Variants in ASIC2 observed in about 807,000 individuals in gnomAD.
The protein encoded by ASIC2 is acid-sensing ion channel 2.
ASIC2 carries 25 observed loss-of-function variants against 57.3 expected under a neutral mutation model. The ratio of observed to expected loss-of-function variants is 0.44; its 90% confidence interval spans 0.32 to 0.61. The LOEUF (loss-of-function observed/expected upper bound fraction) is 0.61. Among genes scored for constraint, ASIC2 ranks in the 20% least tolerant of loss-of-function variants. The pLI, the probability that ASIC2 is intolerant of heterozygous loss-of-function variation, is 0.06. For synonymous variants in ASIC2, 319 were observed against 307.5 expected (o/e 1.04, Z -0.39); for missense variants, 641 against 738.1 (o/e 0.87, Z 1.52).
At chr17:34,131,584 C>A (rs772543232) in intron 1 of ASIC2, among the ~76,000 whole-genome samples, 5 of 152,250 alleles carry the variant, frequency 3.3e-5, no homozygotes, top group Non-Finnish European at 7.3e-5. Flanking sequence ...GGCACGCAAC[C>A]ATTCCTGGGG....
At chr17:34,143,792 G>A (rs1365352523) in intron 1 of ASIC2, among the ~76,000 whole-genome samples, 2 of 152,156 alleles carry the variant, frequency 1.3e-5, no homozygotes, top group Non-Finnish European at 2.9e-5. Flanking sequence ...ATGTCTCTGG[G>A]ATCTGGGCAT....
At chr17:33,295,428 C>CCAA (rs1231330955), upstream of ASIC2, among the ~76,000 whole-genome samples, 11 of 152,210 alleles carry the variant, frequency 7.2e-5, no homozygotes, top group African/African-American at 2.4e-4. Flanking sequence ...TCTTCTCTGA[C>CCAA]CAGTTCTTTG....
At chr17:33,053,566 T>TG (rs1424853103) in intron 3 of ASIC2, among the ~76,000 whole-genome samples, 1 of 152,212 alleles carries the variant, frequency 6.6e-6, no homozygotes, top group Non-Finnish European at 1.5e-5. Context: ...CCAGGACTGT[T>TG]GCAAGAGCTT....
rs189609624 is a variant in ASIC2 at position 33,807,757 on chromosome 17, C to T, written c.555+348221G>A. Among the ~76,000 whole-genome samples the T allele has an allele frequency of 4.7e-3, 713 of 152,338 alleles. 4 individuals carry two copies. The highest frequency in any genetic ancestry group is 8.0e-3 in the Non-Finnish European group (543 of 68,034). ...GTAACTCCCTCACTCAAACTCCTTC[C>T]ATGGGTGGAATTAATTTGCATTTGT... On this transcript the variant is annotated intron_variant, in intron 1 of 9. Transcript: ENST00000359872.
chr17:34,005,940 T>G (rs1157474975), intron 1 of ASIC2: 1 of 152,228 alleles, frequency 6.6e-6, no homozygotes, highest in Non-Finnish European at 1.5e-5. Context: ...CAAACATGTC[T>G]GCTTTCCACA....
chr17:33,427,294 G>A (rs564506474), intron 1 of ASIC2, among the ~76,000 whole-genome samples: 6 of 152,306 alleles, frequency 3.9e-5, no homozygotes, highest in African/African-American at 1.4e-4. Context: ...TCTGTACAGG[G>A]GAAAACAAAG....
At chr17:33,096,347 C>T (rs953873449) in intron 2 of ASIC2, among the ~76,000 whole-genome samples, 1 of 152,184 alleles carries the variant, frequency 6.6e-6, no homozygotes, top group African/African-American at 2.4e-5. Context: ...GTGCCACCGG[C>T]CTTGGACCTT....
intron 1 of ASIC2, among the ~76,000 whole-genome samples, chr17:33,860,882 G>T (rs1157740655): frequency 6.6e-6 from 1 of 152,192 alleles, no homozygotes; most frequent in South Asian, 2.1e-4. Flanking sequence ...TGTGCTAGAC[G>T]CTGGAGGTAC....
At chr17:34,081,239 G>A (rs578176109) in intron 1 of ASIC2, among the ~76,000 whole-genome samples, 2 of 152,184 alleles carry the variant, frequency 1.3e-5, no homozygotes, top group African/African-American at 4.8e-5. Context: ...AACTCCACAT[G>A]GGATTTTGGC....
intron 1 of ASIC2, among the ~76,000 whole-genome samples, chr17:33,826,040 A>G (rs12603237): frequency 0.078 from 11,932 of 152,284 alleles, 517 homozygotes; most frequent in East Asian, 0.19. Context: ...GGATACTTTA[A>G]TGGTACACTG....
At chr17:33,476,342 GT>G (rs1693056581) in intron 1 of ASIC2, among the ~76,000 whole-genome samples, 1 of 151,946 alleles carries the variant, frequency 6.6e-6, no homozygotes, top group African/African-American at 2.4e-5. Context: ...AGTAATTATG[GT>G]TACTAAATCT....
At chr17:33,865,553 A>G (rs1438055662) in intron 1 of ASIC2, among the ~76,000 whole-genome samples, 1 of 152,090 alleles carries the variant, frequency 6.6e-6, no homozygotes, top group Non-Finnish European at 1.5e-5. Flanking sequence ...TGTACATATT[A>G]TTTCATAATC....
At chr17:33,592,194 T>C (rs1436087876) in intron 1 of ASIC2, among the ~76,000 whole-genome samples, 1 of 152,248 alleles carries the variant, frequency 6.6e-6, no homozygotes, top group Non-Finnish European at 1.5e-5. Context: ...TTGCTTTTCC[T>C]ATACCACTTG....
chr17:33,609,776 G>A (rs1192046965), intron 1 of ASIC2, among the ~76,000 whole-genome samples: 1 of 151,896 alleles, frequency 6.6e-6, no homozygotes, highest in Admixed American at 6.6e-5. Flanking sequence ...AGGAGAGGGA[G>A]AAGAAAAAGG....
intron 1 of ASIC2, among the ~76,000 whole-genome samples, chr17:33,974,124 T>A (rs1338936233): frequency 6.6e-6 from 1 of 152,138 alleles, no homozygotes; most frequent in Non-Finnish European, 1.5e-5. Context: ...TCTTAGGTTT[T>A]TTTTTTCTCC....
At chr17:33,604,895 G>T (rs1905190929) in intron 1 of ASIC2, among the ~76,000 whole-genome samples, 1 of 152,168 alleles carries the variant, frequency 6.6e-6, no homozygotes, top group Non-Finnish European at 1.5e-5. Context: ...GAATTAGGAT[G>T]TTTCCAAAGT....
intron 1 of ASIC2, among the ~76,000 whole-genome samples, chr17:33,783,451 G>A (rs184048284): frequency 1.5e-3 from 232 of 152,348 alleles, no homozygotes; most frequent in African/African-American, 5.5e-3. Context: ...ATTCAGTAGA[G>A]TGTCTGGCAT....
At chr17:33,091,007 C>A (rs1202347618) in intron 2 of ASIC2, among the ~76,000 whole-genome samples, 1 of 152,170 alleles carries the variant, frequency 6.6e-6, no homozygotes, top group Non-Finnish European at 1.5e-5. Flanking sequence ...ACAGCATCAC[C>A]CTGTCCAAAC....
chr17:33,701,919 G>A (rs1019810054), intron 1 of ASIC2, among the ~76,000 whole-genome samples: 3 of 152,180 alleles, frequency 2.0e-5, no homozygotes, highest in Admixed American at 6.5e-5. Flanking sequence ...CTTCTGATCC[G>A]ATGGACAATT....
Sources: allele counts gnomAD v4.1 joint callset (sites outside exome capture counted in the v4.1 genomes callset), GRCh38; gene constraint gnomAD v4.1.1; transcripts MANE v1.5; gene names NCBI Gene and HGNC (gene_info 2026-07-23, HGNC 2026-07-21).